The following DMD variants were observed in gnomAD, a reference collection of about 807,000 sequenced individuals.
DMD encodes dystrophin.
Under a neutral mutation model 330.1 loss-of-function variants are expected in DMD, and 63 were observed. That is an observed-to-expected ratio of 0.19 (90% confidence interval 0.16 to 0.24). The LOEUF (loss-of-function observed/expected upper bound fraction) is 0.24. Among genes scored for constraint, DMD ranks in the 10% least tolerant of loss-of-function variants. The pLI, the probability that DMD is intolerant of heterozygous loss-of-function variation, is 1.00. For synonymous variants in DMD, 1,223 were observed against 959.8 expected, an observed-to-expected ratio of 1.27 and a Z score of -5.07; for missense variants, 3,344 against 2,684.1, an observed-to-expected ratio of 1.25 and a Z score of -5.43.
intron 48 of DMD, among the ~76,000 whole-genome samples, chrX:31,854,284 C>G (rs1248941993): frequency 1.8e-5 from 2 of 111,695 alleles, no homozygotes; most frequent in Non-Finnish European, 3.8e-5. Flanking sequence ...AAAACGGCAG[C>G]ACATTTTTCT....
At chrX:31,786,347 G>A (rs759024705) in intron 50 of DMD, among the ~76,000 whole-genome samples, 1 of 111,172 alleles carries the variant, frequency 9.0e-6, no homozygotes, top group Admixed American at 9.6e-5. Flanking sequence ...ATTTTAAAAG[G>A]GAATTCATAG....
At chrX:32,565,248 A>C (rs1289892119) in intron 16 of DMD, among the ~76,000 whole-genome samples, 2 of 111,696 alleles carry the variant, frequency 1.8e-5, no homozygotes, top group Non-Finnish European at 3.8e-5. Flanking sequence ...ACTAATAAAA[A>C]ACTTTCCAAG....
At chrX:32,414,673 G>GA (rs2098159497) in intron 29 of DMD, among the ~76,000 whole-genome samples, 1 of 111,994 alleles carries the variant, frequency 8.9e-6, no homozygotes, top group Non-Finnish European at 1.9e-5. Flanking sequence ...AGTCAAAGAC[G>GA]AAAATGGATT....
At position 31,559,142 on chromosome X, in the gene DMD, G is replaced by A. The variant is rs144781424; in HGVS notation, c.8218-51689C>T. 6.9e-3 allele frequency among the ~76,000 whole-genome samples: 775 copies of A among 112,364 alleles called. 4 individuals carry two copies. The highest frequency in any genetic ancestry group is 0.023 in the African/African-American group (724 of 30,923). On this transcript the variant is annotated intron_variant, in intron 55 of 78. Coordinates refer to ENST00000357033, the MANE Select transcript of DMD (RefSeq NM_004006.3). ...ATACTTTTCAGCTATTATTCAGTAA[G>A]TGAGTCCAACAGTTTCCTCTGATAT...
chrX:31,649,326 T>C (rs193113057), intron 54 of DMD, among the ~76,000 whole-genome samples: 277 of 111,649 alleles, frequency 2.5e-3, no homozygotes, highest in African/African-American at 8.9e-3. Context: ...AGAATGAAAA[T>C]GGCTACTTGG....
chrX:32,323,070 T>C (rs994683994), intron 41 of DMD, among the ~76,000 whole-genome samples: 14 of 111,984 alleles, frequency 1.3e-4, no homozygotes, highest in African/African-American at 3.6e-4. Context: ...TTTGCAAAAA[T>C]ACATGGATGG....
intron 44 of DMD, among the ~76,000 whole-genome samples, chrX:32,028,778 G>T (rs1235382032): frequency 1.8e-5 from 2 of 111,207 alleles, no homozygotes; most frequent in African/African-American, 6.5e-5. Context: ...TCCCAATGCG[G>T]CATCATAAGC....
At chrX:31,253,518 C>A (rs1197936466) in intron 63 of DMD, among the ~76,000 whole-genome samples, 5 of 111,885 alleles carry the variant, frequency 4.5e-5, no homozygotes, top group African/African-American at 1.6e-4. Context: ...TGTAGAAAGC[C>A]TATCAAAAGA....
chrX:32,982,012 A>G (rs1223844307), intron 2 of DMD, among the ~76,000 whole-genome samples: 2 of 111,829 alleles, frequency 1.8e-5, no homozygotes, highest in Non-Finnish European at 3.8e-5. Context: ...TTTTCTGTCG[A>G]TCATTCTCTA....
intron 41 of DMD, among the ~76,000 whole-genome samples, chrX:32,333,780 C>A (rs1362740577): frequency 3.6e-5 from 4 of 110,378 alleles, no homozygotes; most frequent in African/African-American, 1.3e-4. Flanking sequence ...ATTTTCACCT[C>A]TATATTATGT....
At chrX:33,295,930 A>G (rs1370052484) in intron 1 of DMD, among the ~76,000 whole-genome samples, 2 of 111,756 alleles carry the variant, frequency 1.8e-5, no homozygotes, top group Admixed American at 9.5e-5. Flanking sequence ...AGAGACATCC[A>G]TGGGGGATGA....
intron 2 of DMD, among the ~76,000 whole-genome samples, chrX:32,896,594 T>C (rs2085742876): frequency 9.0e-6 from 1 of 111,648 alleles, no homozygotes; most frequent in Non-Finnish European, 1.9e-5. Flanking sequence ...AACAAAACAA[T>C]TGGTGTCACG....
chrX:31,623,080 T>C (rs2078646806), intron 55 of DMD, among the ~76,000 whole-genome samples: 1 of 108,283 alleles, frequency 9.2e-6, no homozygotes, highest in South Asian at 4.0e-4. Context: ...ACACTAAAGG[T>C]TTCTTCTCCT....
intron 51 of DMD, among the ~76,000 whole-genome samples, chrX:31,734,495 T>A (rs776754814): frequency 2.7e-4 from 30 of 111,700 alleles, no homozygotes; most frequent in African/African-American, 8.8e-4. Context: ...AGTTGTCGTA[T>A]CTCCTTAGTC....
chrX:32,414,810 CTCTT>C (rs1004109978), intron 29 of DMD, among the ~76,000 whole-genome samples: 8 of 112,233 alleles, frequency 7.1e-5, no homozygotes, highest in African/African-American at 1.9e-4. Context: ...AAATTTTAAT[CTCTT>C]TCTATTAAAA....
rs763514033 is a variant in DMD, at chrX:32,438,266, G to A, written c.4046C>T (p.Ser1349Phe). 2.5e-6 allele frequency: 3 copies of A among 1,211,176 alleles called. No individual in the cohort carries two copies. Among genetic ancestry groups the A allele is most frequent in the Admixed American group, 2.2e-5 (1 of 45,960 alleles). The change falls in exon 29 of 79, where the codon TCT becomes TTT. Residue 1349 changes from serine (S) to phenylalanine (F), a missense_variant. Ser to Phe is a radical substitution (Grantham distance 155). Coordinates refer to ENST00000357033, the MANE Select transcript of DMD (RefSeq NM_004006.3). ...CTCTTCATGTAGTTCCCTCCAACGA[G>A]AATTAAATGTCTCAAGTTCCTCATT... ...LINEELETFN[S>F]RWRELHEEAV...
At position 33,109,373 on chromosome X, in the gene DMD, T is replaced by C. The variant is rs2095321674; in HGVS notation, c.32-89173A>G. ...GAACAGTTTGAAAACACTATCTTAG[T>C]CTATTAGTGTATTTTTTCAGTCCGG... On this transcript the variant is annotated intron_variant, in intron 1 of 78. Transcript: ENST00000357033. Among the ~76,000 whole-genome samples the C allele has an allele frequency of 2.7e-5, 3 of 111,889 alleles. No homozygotes were observed. The Admixed American group carries it at 2.9e-4, about 11-fold the overall frequency.
At chrX:31,919,994 T>C (rs2094666561) in intron 47 of DMD, among the ~76,000 whole-genome samples, 1 of 111,953 alleles carries the variant, frequency 8.9e-6, no homozygotes, top group African/African-American at 3.2e-5. Flanking sequence ...AATCCAACAA[T>C]CCATTTTCTA....
chrX:32,374,491 G>A (rs2097893412), intron 34 of DMD, among the ~76,000 whole-genome samples: 1 of 111,370 alleles, frequency 9.0e-6, no homozygotes, highest in Non-Finnish European at 1.9e-5. Flanking sequence ...TATGGTGAAA[G>A]GTAGGGGTCC....
Sources: gnomAD v4.1 joint callset for allele counts (sites outside exome capture counted in the v4.1 genomes callset) on GRCh38, gnomAD v4.1.1 for gene constraint, MANE v1.5 for transcripts, NCBI Gene and HGNC (gene_info 2026-07-23, HGNC 2026-07-21) for gene names.